Variants in FSTL5 observed in about 807,000 individuals in gnomAD.
FSTL5 encodes follistatin like 5.
Under a neutral mutation model 89.1 loss-of-function variants are expected in FSTL5, and 62 were observed. The ratio of observed to expected loss-of-function variants is 0.70; its 90% CI spans 0.57 to 0.86. The LOEUF (loss-of-function observed/expected upper bound fraction) is 0.86. FSTL5 is among the 40% of genes least tolerant of loss of function. The pLI, the probability that FSTL5 is intolerant of heterozygous loss-of-function variation, is 0.00. For synonymous variants in FSTL5, 383 were observed against 346.2 expected (o/e 1.11, Z -1.18); for missense variants, 1,057 against 1,001.6 (o/e 1.06, Z -0.75).
At chr4:161,395,401 G>C (rs141140689) in intron 15 of FSTL5, among the ~76,000 whole-genome samples, 15 of 152,000 alleles carry the variant, frequency 9.9e-5, no homozygotes, top group Non-Finnish European at 2.1e-4. Context: ...AAATATCTAT[G>C]AACACGCAGA....
At chr4:161,673,785 T>G (rs944323117) in intron 6 of FSTL5, among the ~76,000 whole-genome samples, 6 of 151,928 alleles carry the variant, frequency 3.9e-5, no homozygotes, top group Non-Finnish European at 7.4e-5. Context: ...TAAATGATTA[T>G]TTTTAAGGAT....
At chr4:161,553,600 GA>G (rs944983192) in intron 8 of FSTL5, among the ~76,000 whole-genome samples, 3 of 147,948 alleles carry the variant, frequency 2.0e-5, no homozygotes, top group Admixed American at 6.8e-5. Flanking sequence ...GTGGAGCATT[GA>G]AAAAAAAATA....
chr4:161,485,837 A>C (rs912360380), intron 12 of FSTL5, among the ~76,000 whole-genome samples: 2 of 152,286 alleles, frequency 1.3e-5, no homozygotes, highest in Admixed American at 1.3e-4. Context: ...TGAAAGAGCC[A>C]TTAATTAAAT....
intron 4 of FSTL5, among the ~76,000 whole-genome samples, chr4:161,905,679 G>T (rs1398501306): frequency 3.3e-5 from 5 of 152,060 alleles, no homozygotes; most frequent in Admixed American, 1.3e-4. Flanking sequence ...GACCAGTAGG[G>T]ACCTCACTGA....
At chr4:161,699,093 G>A (rs1408811208) in intron 6 of FSTL5, among the ~76,000 whole-genome samples, 1 of 152,138 alleles carries the variant, frequency 6.6e-6, no homozygotes, top group Non-Finnish European at 1.5e-5. Flanking sequence ...CCTGCAATTA[G>A]CTAGCTGGGT....
intron 3 of FSTL5, among the ~76,000 whole-genome samples, chr4:161,975,689 C>T (rs1735616690): frequency 1.3e-5 from 2 of 150,652 alleles, no homozygotes; most frequent in African/African-American, 4.9e-5. Flanking sequence ...ACCAGCATGG[C>T]ACATGTATAC....
intron 7 of FSTL5, among the ~76,000 whole-genome samples, chr4:161,627,801 A>G (rs1236452570): frequency 3.3e-5 from 5 of 152,152 alleles, no homozygotes; most frequent in African/African-American, 1.2e-4. Flanking sequence ...AAAGCATTTT[A>G]GTCTATATAT....
intron 3 of FSTL5, among the ~76,000 whole-genome samples, chr4:161,975,795 A>C (rs1027485181): frequency 1.4e-5 from 2 of 148,100 alleles, no homozygotes; most frequent in African/African-American, 5.0e-5. Flanking sequence ...AAAATAAAAT[A>C]AAATAAAAAA....
intron 14 of FSTL5, among the ~76,000 whole-genome samples, chr4:161,458,693 G>A (rs1032642575): frequency 6.6e-6 from 1 of 152,134 alleles, no homozygotes; most frequent in Admixed American, 6.5e-5. Context: ...CTGCTCCAAA[G>A]GGTCATGACC....
At chr4:161,587,420 T>C (rs780318966) in intron 8 of FSTL5, 35 bp downstream of exon 8, 2 of 1,606,098 alleles carry the variant, frequency 1.2e-6, no homozygotes, top group Non-Finnish European at 1.7e-6. Flanking sequence ...TATGGTGTTC[T>C]TTGAATAGTT....
At chr4:161,762,531 G>A (rs1047125689) in intron 5 of FSTL5, among the ~76,000 whole-genome samples, 3 of 151,916 alleles carry the variant, frequency 2.0e-5, no homozygotes, top group African/African-American at 7.3e-5. Context: ...TGAATATATC[G>A]TATTCAAATA....
intron 6 of FSTL5, among the ~76,000 whole-genome samples, chr4:161,697,840 A>T (rs1738225855): frequency 6.6e-6 from 1 of 151,982 alleles, no homozygotes; most frequent in Non-Finnish European, 1.5e-5. Context: ...GCCTATTTGG[A>T]GTTTCCTTGG....
At chr4:161,640,030 T>C (rs528721861) in intron 7 of FSTL5, among the ~76,000 whole-genome samples, 1 of 152,170 alleles carries the variant, frequency 6.6e-6, no homozygotes. Flanking sequence ...GAAATTTACA[T>C]ACAGAGAAAA....
rs139538242 is a variant in FSTL5, at chr4:161,387,653, C to T, written c.1842-1204G>A. 9.7e-3 allele frequency: 1,471 copies of T among 151,978 alleles called. 26 individuals carry two copies. Among genetic ancestry groups the T allele is most frequent in the African/African-American group, 0.034 (1,423 of 41,510 alleles). 9.4% of individuals were successfully genotyped at this position (151,978 alleles called of 1,614,324 possible). A position where few individuals can be genotyped will look rare whatever the true frequency, so the allele number is the denominator to read the frequency against. ...TAGCAAGCTCAAAAATATAAATAAA[C>T]ATATATTAAATATCATAGAAAAATA... is the stretch of plus-strand genomic sequence containing the variant. On this transcript the variant is annotated intron_variant, in intron 15 of 15. Coordinates refer to ENST00000306100, the MANE Select transcript of FSTL5 (RefSeq NM_020116.5).
At chr4:161,691,157 T>G (rs1413713092) in intron 6 of FSTL5, among the ~76,000 whole-genome samples, 2 of 152,164 alleles carry the variant, frequency 1.3e-5, no homozygotes, top group African/African-American at 4.8e-5. Flanking sequence ...CTGTTTTTTT[T>G]TCTAAAAATT....
chr4:161,707,500 G>A lies in FSTL5; in HGVS notation c.728-51006C>T, dbSNP rs190996370. On this transcript the variant is annotated intron_variant, in intron 6 of 15. Transcript: ENST00000306100. ...GTCTTTATGCCATAAAATTTGTTAC[G>A]GCATAAAGACGGAGGATGCACTGCA... 4.0e-4 allele frequency among the ~76,000 whole-genome samples: 61 copies of A among 151,700 alleles called. 1 individual carries two copies. Among genetic ancestry groups the A allele is most frequent in the Middle Eastern group, 6.8e-3 (2 of 294 alleles).
intron 4 of FSTL5, among the ~76,000 whole-genome samples, chr4:161,860,157 G>A (rs1484624918): frequency 1.9e-4 from 29 of 151,704 alleles, no homozygotes; most frequent in East Asian, 5.9e-4. Flanking sequence ...GCGTGGTGGC[G>A]GGCGCCTGTA....
At chr4:161,464,662 C>A (rs1287234676) in intron 13 of FSTL5, among the ~76,000 whole-genome samples, 1 of 152,076 alleles carries the variant, frequency 6.6e-6, no homozygotes, top group Non-Finnish European at 1.5e-5. Flanking sequence ...TAGAATAATA[C>A]TTAGTGAAAT....
intron 9 of FSTL5, among the ~76,000 whole-genome samples, chr4:161,540,372 A>G (rs868247698): frequency 7.2e-5 from 11 of 152,214 alleles, no homozygotes; most frequent in East Asian, 5.8e-4. Context: ...TCAAATCTTT[A>G]TATACTTTGT....
Sources: gnomAD v4.1 joint callset for allele counts (sites outside exome capture counted in the v4.1 genomes callset) on GRCh38, gnomAD v4.1.1 for gene constraint, MANE v1.5 for transcripts, NCBI Gene and HGNC (gene_info 2026-07-23, HGNC 2026-07-21) for gene names.